ZNF676: variants seen among roughly 807,000 people sequenced by gnomAD.
ZNF676 encodes zinc finger protein 676.
A neutral mutation model predicts 6.0 loss-of-function variants in ZNF676; 4 were observed. The ratio of observed to expected loss-of-function variants is 0.67; its 90% CI spans 0.33 to 1.53. The LOEUF is 1.53. Among genes scored for constraint, ZNF676 ranks in the 40% most tolerant of loss-of-function variants. The pLI is 0.06. For synonymous variants in ZNF676, 198 were observed against 223.1 expected, an observed-to-expected ratio of 0.89 and a Z score of 1.00; for missense variants, 644 against 679.7, an observed-to-expected ratio of 0.95 and a Z score of 0.58.
intron 1 of ZNF676, among the ~76,000 whole-genome samples, chr19:22,210,132 G>T (rs1002965451): frequency 7.9e-5 from 12 of 152,188 alleles, no homozygotes; most frequent in East Asian, 3.9e-4. Flanking sequence ...GTAGAGGAGA[G>T]CAGAGCTTCC....
At chr19:22,210,522 A>G (rs1461092377) in intron 1 of ZNF676, among the ~76,000 whole-genome samples, 1 of 152,232 alleles carries the variant, frequency 6.6e-6, no homozygotes, top group African/African-American at 2.4e-5. Flanking sequence ...AGTCAAATGG[A>G]AGAAAAGTAT....
chr19:22,259,990 A>G, the ZNF676 span, among the ~76,000 whole-genome samples: 2 of 147,758 alleles, frequency 1.4e-5, no homozygotes, highest in Non-Finnish European at 2.9e-5. Flanking sequence ...GATATGCCGC[A>G]ATCCAATTTG....
the ZNF676 span, among the ~76,000 whole-genome samples, chr19:22,252,401 A>AAG: frequency 2.5e-4 from 38 of 151,252 alleles, no homozygotes; most frequent in African/African-American, 9.0e-4. Context: ...TCTGAAAAAA[A>AAG]AAAAGAAAAG....
the ZNF676 span, among the ~76,000 whole-genome samples, chr19:22,242,070 G>A: frequency 6.6e-6 from 1 of 151,736 alleles, no homozygotes; most frequent in Non-Finnish European, 1.5e-5. Context: ...CTACAAAAAG[G>A]AGACTCAGGA....
At chr19:22,230,845 A>T in the ZNF676 span, among the ~76,000 whole-genome samples, 74 of 151,636 alleles carry the variant, frequency 4.9e-4, no homozygotes, top group African/African-American at 1.7e-3. Flanking sequence ...TTTTTAGGAG[A>T]GATGGCGTTT....
chr19:22,190,465 T>C (rs1172395185), intron 2 of ZNF676, among the ~76,000 whole-genome samples: 7 of 151,554 alleles, frequency 4.6e-5, no homozygotes, highest in Non-Finnish European at 7.4e-5. Context: ...TAAAAGTATA[T>C]AGAATCTCAA....
chr19:22,226,812 T>A, the ZNF676 span, among the ~76,000 whole-genome samples: 3 of 152,276 alleles, frequency 2.0e-5, no homozygotes, highest in East Asian at 5.8e-4. Flanking sequence ...TTGGTCTGGC[T>A]GGTCTCAAAC....
chr19:22,239,628 G>T, the ZNF676 span, among the ~76,000 whole-genome samples: 18,040 of 152,126 alleles, frequency 0.12, 3,492 homozygotes, highest in African/African-American at 0.41. Context: ...TAAAACTTTG[G>T]ACTGCCAGAG....
At chr19:22,230,436 G>A in the ZNF676 span, among the ~76,000 whole-genome samples, 27 of 151,868 alleles carry the variant, frequency 1.8e-4, 1 homozygote, top group East Asian at 4.3e-3. Context: ...ATCATGGCAC[G>A]TGTATACCTG....
At chr19:22,184,469 C>CA (rs1555773602) in intron 2 of ZNF676, among the ~76,000 whole-genome samples, 3 of 151,876 alleles carry the variant, frequency 2.0e-5, no homozygotes, top group Non-Finnish European at 4.4e-5. Flanking sequence ...AGAGTTTTTT[C>CA]TTTTTTTTCC....
At chr19:22,197,377 C>T (rs1390958785), upstream of ZNF676, among the ~76,000 whole-genome samples, 11 of 150,134 alleles carry the variant, frequency 7.3e-5, no homozygotes, top group Admixed American at 6.6e-4. Context: ...CATAGTTTTG[C>T]ATATTATTCA....
intron 1 of ZNF676, among the ~76,000 whole-genome samples, chr19:22,194,773 C>G (rs574034611): frequency 6.6e-6 from 1 of 152,182 alleles, no homozygotes; most frequent in East Asian, 1.9e-4. Flanking sequence ...CAAACAATGA[C>G]GGCATTCCCA....
intron 1 of ZNF676, among the ~76,000 whole-genome samples, chr19:22,210,904 ACT>A (rs1421151903): frequency 1.3e-5 from 2 of 152,150 alleles, no homozygotes; most frequent in African/African-American, 4.8e-5. Context: ...CTAAGAACAC[ACT>A]GACTTCAGGG....
the ZNF676 span, among the ~76,000 whole-genome samples, chr19:22,240,966 G>A: frequency 6.6e-6 from 1 of 152,102 alleles, no homozygotes; most frequent in South Asian, 2.1e-4. Context: ...AACATCACTT[G>A]AGTGTTGGAC....
At chr19:22,239,994 G>A in the ZNF676 span, among the ~76,000 whole-genome samples, 2 of 152,188 alleles carry the variant, frequency 1.3e-5, no homozygotes, top group South Asian at 4.1e-4. Flanking sequence ...TAGGGATCAT[G>A]GAAAAGAGGA....
chr19:22,239,576 C>A, the ZNF676 span, among the ~76,000 whole-genome samples: 1 of 152,092 alleles, frequency 6.6e-6, no homozygotes, highest in Admixed American at 6.5e-5. Context: ...GCTTTGTCTG[C>A]GTATTAAAGT....
At chr19:22,258,931 A>G in the ZNF676 span, among the ~76,000 whole-genome samples, 1 of 152,202 alleles carries the variant, frequency 6.6e-6, no homozygotes, top group Non-Finnish European at 1.5e-5. Flanking sequence ...TTCAGGAGTT[A>G]CAATCTCAAC....
upstream of ZNF676, among the ~76,000 whole-genome samples, chr19:22,220,286 T>C (rs1318877724): frequency 2.0e-5 from 3 of 152,140 alleles, no homozygotes; most frequent in Non-Finnish European, 4.4e-5. Context: ...TTTCTTTTAT[T>C]ATGTCTTTTC....
chr19:22,253,808 G>A, the ZNF676 span, among the ~76,000 whole-genome samples: 1 of 152,008 alleles, frequency 6.6e-6, no homozygotes, highest in Admixed American at 6.6e-5. Flanking sequence ...ACAGTTGGTG[G>A]TATGTGCATA....
Sources: allele counts gnomAD v4.1 joint callset (sites outside exome capture counted in the v4.1 genomes callset), GRCh38; gene constraint gnomAD v4.1.1; transcripts MANE v1.5; gene names NCBI Gene and HGNC (gene_info 2026-07-23, HGNC 2026-07-21).